SORCS2: variants seen among roughly 807,000 people sequenced by gnomAD.
SORCS2 encodes the protein VPS10 domain-containing receptor SorCS2.
In SORCS2, 100 loss-of-function variants were observed where a neutral mutation model predicts 141.6. The observed-to-expected ratio is 0.71, with a 90% confidence interval of 0.60 to 0.83. The LOEUF (loss-of-function observed/expected upper bound fraction) is 0.83, where lower values mean the gene tolerates loss of function less well. SORCS2 is among the 40% of genes least tolerant of loss of function. SORCS2 has a pLI of 0.00. For synonymous variants in SORCS2, 789 were observed against 676.9 expected (o/e 1.17, Z -2.57); for missense variants, 1,646 against 1,560.2 (o/e 1.05, Z -0.93).
intron 4 of SORCS2, 128 bp downstream of exon 4, chr4:7,638,620 G>GCCCCCAGCCCCGGGA: frequency 1.0e-6 from 1 of 975,344 alleles, no homozygotes; most frequent in Non-Finnish European, 1.5e-6. Flanking sequence ...GAGCCTCCCG[G>GCCCCCAGCCCCGGGA]GGCTGGGGGC....
intron 12 of SORCS2, among the ~76,000 whole-genome samples, chr4:7,699,796 A>G (rs6446612): frequency 2.0e-5 from 3 of 151,568 alleles, no homozygotes; most frequent in Non-Finnish European, 4.4e-5. Flanking sequence ...GGTGAGGGAG[A>G]CTCGCTTCTC....
At chr4:7,624,923 G>A (rs963136203) in intron 3 of SORCS2, among the ~76,000 whole-genome samples, 4 of 152,212 alleles carry the variant, frequency 2.6e-5, no homozygotes, top group African/African-American at 9.6e-5. Flanking sequence ...GGAGGACGGC[G>A]GGGGCTCTCG....
chr4:7,362,403 C>A (rs1034401382), intron 1 of SORCS2, among the ~76,000 whole-genome samples: 1 of 152,138 alleles, frequency 6.6e-6, no homozygotes, highest in Non-Finnish European at 1.5e-5. Context: ...GAATCTCAGG[C>A]CCTGATCTCA....
At chr4:7,552,504 C>T (rs1208546437) in intron 3 of SORCS2, among the ~76,000 whole-genome samples, 1 of 152,126 alleles carries the variant, frequency 6.6e-6, no homozygotes, top group Non-Finnish European at 1.5e-5. Context: ...TCCCTCTAAA[C>T]TGACGATGAA....
chr4:7,353,025 AG>A lies in SORCS2; in HGVS notation c.481-43261del, dbSNP rs533907809. Reference sequence around the variant, plus strand: ...CTTGTTCAACCTGAGGTTGTGTCTGAGGCCCTGTCTCCCTGGTTCTAGAGGT... The same window carrying A: ...CTTGTTCAACCTGAGGTTGTGTCTGAGCCCTGTCTCCCTGGTTCTAGAGGT... On this transcript the variant is annotated intron_variant, in intron 1 of 26. Transcript: ENST00000507866. Among the ~76,000 whole-genome samples the A allele has an allele frequency of 2.4e-4, 37 of 152,246 alleles. No individual in the cohort carries two copies. The South Asian group carries it at 5.6e-3, about 23-fold the overall frequency.
At chr4:7,514,208 C>G (rs1271744165) in intron 2 of SORCS2, among the ~76,000 whole-genome samples, 1 of 152,178 alleles carries the variant, frequency 6.6e-6, no homozygotes, top group African/African-American at 2.4e-5. Flanking sequence ...CTATGGCCAC[C>G]TGACTTGTGA....
intron 9 of SORCS2, among the ~76,000 whole-genome samples, chr4:7,682,089 C>T (rs906609816): frequency 2.6e-5 from 4 of 152,190 alleles, no homozygotes; most frequent in African/African-American, 9.7e-5. Flanking sequence ...GATAGTTGCA[C>T]GTTTCTTATA....
chr4:7,227,707 C>G (rs977345129), intron 1 of SORCS2, among the ~76,000 whole-genome samples: 3 of 152,218 alleles, frequency 2.0e-5, no homozygotes, highest in African/African-American at 7.2e-5. Context: ...TCGCCTTTCA[C>G]CCCTCTCTCC....
At chr4:7,722,294 T>A (rs11727568) in intron 18 of SORCS2, among the ~76,000 whole-genome samples, 53,982 of 151,902 alleles carry the variant, frequency 0.36, 10,178 homozygotes, top group African/African-American at 0.48. Flanking sequence ...TCCCCGCCCC[T>A]CCCTGAGAGG....
intron 3 of SORCS2, among the ~76,000 whole-genome samples, chr4:7,539,832 G>T (rs898729055): frequency 1.0e-4 from 13 of 127,694 alleles, no homozygotes; most frequent in Admixed American, 9.5e-4. Context: ...ACCCCTTCCT[G>T]TTGTGGCTGC....
At chr4:7,558,484 C>T (rs1364840862) in intron 3 of SORCS2, among the ~76,000 whole-genome samples, 10 of 152,156 alleles carry the variant, frequency 6.6e-5, no homozygotes, top group Admixed American at 6.5e-4. Context: ...GCAATTGGGG[C>T]CCCACTCTCC....
At chr4:7,278,506 C>T (rs949166859) in intron 1 of SORCS2, among the ~76,000 whole-genome samples, 1 of 152,218 alleles carries the variant, frequency 6.6e-6, no homozygotes, top group Non-Finnish European at 1.5e-5. Flanking sequence ...CCTCCCTTTC[C>T]CACAGGTCCA....
intron 1 of SORCS2, among the ~76,000 whole-genome samples, chr4:7,261,312 G>A (rs369842121): frequency 9.6e-4 from 147 of 152,360 alleles, no homozygotes; most frequent in African/African-American, 2.9e-3. Context: ...GGGTCTCCCA[G>A]AGCAGCCCAG....
At chr4:7,213,090 C>T (rs1026998988) in intron 1 of SORCS2, among the ~76,000 whole-genome samples, 1 of 152,264 alleles carries the variant, frequency 6.6e-6, no homozygotes, top group African/African-American at 2.4e-5. Context: ...CACCCATCCC[C>T]TCCTTCTGCT....
chr4:7,645,626 C>T (rs1364436223), intron 4 of SORCS2, among the ~76,000 whole-genome samples: 1 of 152,194 alleles, frequency 6.6e-6, no homozygotes, highest in East Asian at 1.9e-4. Context: ...AAAAGAAGTA[C>T]AACCAATGGC....
chr4:7,317,933 G>A (rs2336116), intron 1 of SORCS2, among the ~76,000 whole-genome samples: 89 of 152,094 alleles, frequency 5.9e-4, no homozygotes, highest in Middle Eastern at 6.8e-3. Flanking sequence ...GTTGAAGTCC[G>A]AACCCCTAGC....
intron 2 of SORCS2, among the ~76,000 whole-genome samples, chr4:7,473,799 G>A (rs1402942212): frequency 1.3e-5 from 2 of 152,106 alleles, no homozygotes; most frequent in African/African-American, 4.8e-5. Flanking sequence ...GGACCCGGAG[G>A]CTGGTGCAGT....
chr4:7,351,432 T>C (rs1334843671), intron 1 of SORCS2, among the ~76,000 whole-genome samples: 1 of 152,196 alleles, frequency 6.6e-6, no homozygotes, highest in Non-Finnish European at 1.5e-5. Flanking sequence ...CAGGGTCTTC[T>C]CCACACTGTC....
At chr4:7,619,432 A>T (rs1268735107) in intron 3 of SORCS2, among the ~76,000 whole-genome samples, 1 of 152,154 alleles carries the variant, frequency 6.6e-6, no homozygotes, top group Non-Finnish European at 1.5e-5. Flanking sequence ...CCCTTAAAAC[A>T]GTCCGGAAGC....
Sources: allele counts gnomAD v4.1 joint callset (sites outside exome capture counted in the v4.1 genomes callset), GRCh38; gene constraint gnomAD v4.1.1; transcripts MANE v1.5; gene names NCBI Gene and HGNC (gene_info 2026-07-23, HGNC 2026-07-21).